The following ATG13 variants were observed in gnomAD, a reference collection of about 807,000 sequenced individuals.
ATG13 encodes the protein autophagy related 13, also known as autophagy-related protein 13.
In ATG13, 23 loss-of-function variants were observed where a neutral mutation model predicts 65.5. That is an observed-to-expected ratio of 0.35 (90% CI 0.25 to 0.50). The LOEUF (loss-of-function observed/expected upper bound fraction) is 0.50. Among genes scored for constraint, ATG13 ranks in the 20% least tolerant of loss-of-function variants. The pLI is 0.98. For synonymous variants in ATG13, 252 were observed against 245.2 expected, an observed-to-expected ratio of 1.03 and a Z score of -0.26; for missense variants, 566 against 677.0, an observed-to-expected ratio of 0.84 and a Z score of 1.82.
intron 2 of ATG13, among the ~76,000 whole-genome samples, chr11:46,638,026 A>G (rs542990382): frequency 6.6e-6 from 1 of 152,340 alleles, no homozygotes; most frequent in African/African-American, 2.4e-5. Flanking sequence ...ATAATTATAC[A>G]TATTTATGGG....
chr11:46,624,932 G>A (rs1364712670), intron 1 of ATG13, among the ~76,000 whole-genome samples: 2 of 151,898 alleles, frequency 1.3e-5, no homozygotes, highest in East Asian at 1.9e-4. Flanking sequence ...GAGGTGGGAG[G>A]ATTGCTTGAG....
intron 1 of ATG13, among the ~76,000 whole-genome samples, chr11:46,624,005 C>A (rs1416788094): frequency 1.3e-5 from 2 of 148,788 alleles, no homozygotes; most frequent in African/African-American, 2.5e-5. Context: ...TTATCAAATT[C>A]AGGAATTTTT....
intron 2 of ATG13, 35 bp from the exon 3 acceptor site, chr11:46,644,244 A>G: frequency 6.8e-7 from 1 of 1,460,016 alleles, no homozygotes; most frequent in Non-Finnish European, 9.4e-7. Context: ...CTTTTTAAAG[A>G]TATTAGTCAT....
chr11:46,656,224 T>A lies in ATG13; in HGVS notation c.459-9T>A. The A allele has an allele frequency of 6.2e-7, 1 of 1,611,572 alleles. No individual in the cohort carries two copies. The highest frequency in any genetic ancestry group is 8.5e-7 in the Non-Finnish European group (1 of 1,177,954). ...TCAGGTAACATTTCTTATTTTTTCT[T>A]CCATACAGGATATATTTTGGAGAAG... On this transcript the variant is annotated splice_polypyrimidine_tract_variant and intron_variant, in intron 7 of 18. Transcript: ENST00000683050.
rs532406241 is a variant in ATG13, at chr11:46,661,979, G to A, written c.790-2018G>A. Reference sequence around the variant, plus strand: ...TGAAAGAGATTCTTGTTCTAAAGTTGCCAGAACAGTTTAGTTTGGGGGTTT... The same window carrying A: ...TGAAAGAGATTCTTGTTCTAAAGTTACCAGAACAGTTTAGTTTGGGGGTTT... On this transcript the variant is annotated intron_variant, in intron 11 of 18. Transcript: ENST00000683050. Among the ~76,000 whole-genome samples, 3 of 152,302 alleles carry A rather than the reference G, an allele frequency of 2.0e-5. No individual in the cohort carries two copies. In the East Asian group the frequency reaches 5.8e-4, roughly 29 times the overall value.
At position 46,668,917 on chromosome 11, in the gene ATG13, C is replaced by T. The variant is rs200106509; in HGVS notation, c.1446+7C>T. The T allele has an allele frequency of 2.5e-6, 4 of 1,601,484 alleles. No homozygotes were observed. The highest frequency in any genetic ancestry group is 3.4e-6 in the Non-Finnish European group (4 of 1,169,682). ...CTTTGTTATGATAGACTTTGTAAGT[C>T]GCCGTCACCTTCCTTGACCTTTGCT... is the stretch of plus-strand genomic sequence containing the variant. On this transcript the variant is annotated splice_region_variant and intron_variant, in intron 17 of 18. Transcript: ENST00000683050.
intron 17 of ATG13, among the ~76,000 whole-genome samples, 179 bp downstream of exon 17, chr11:46,669,089 T>C (rs1307085365): frequency 6.6e-6 from 1 of 152,196 alleles, no homozygotes; most frequent in Non-Finnish European, 1.5e-5. Flanking sequence ...CAACAAGGCA[T>C]TTTTTGTCAT....
chr11:46,671,562 C>T (rs1473466563), intron 18 of ATG13, among the ~76,000 whole-genome samples: 1 of 152,068 alleles, frequency 6.6e-6, no homozygotes, highest in Non-Finnish European at 1.5e-5. Context: ...ATGGTGAAAC[C>T]CTGTCTCTAC....
At chr11:46,637,446 C>G (rs918006005) in intron 2 of ATG13, among the ~76,000 whole-genome samples, 1 of 152,058 alleles carries the variant, frequency 6.6e-6, no homozygotes, top group Non-Finnish European at 1.5e-5. Context: ...TTTTTATGTT[C>G]AAAAAATAAT....
intron 2 of ATG13, among the ~76,000 whole-genome samples, chr11:46,636,125 C>T (rs1053030290): frequency 6.6e-6 from 1 of 151,986 alleles, no homozygotes; most frequent in South Asian, 2.1e-4. Flanking sequence ...TAGTTTGGAT[C>T]GCTTTAGGCC....
chr11:46,668,541 C>T lies in ATG13; in HGVS notation c.1294C>T (p.Pro432Ser). Residue 432 changes from proline (P) to serine (S), a missense_variant, in exon 16 of 19, where the codon CCC becomes TCC. Pro to Ser is a moderately conservative substitution (Grantham distance 74). Coordinates refer to ENST00000683050, the MANE Select transcript of ATG13 (RefSeq NM_001346311.2). ...GGATATACCCTTTGCCATGTTTGCTCCCAAGAATTTGGAGCTGGAGGATAC... is the reference window on the plus strand; with the variant it reads ...GGATATACCCTTTGCCATGTTTGCTTCCAAGAATTTGGAGCTGGAGGATAC... Reference protein sequence around the residue: ...SLDIPFAMFAPKNLELEDTDP... With the variant: ...SLDIPFAMFASKNLELEDTDP... The T allele has an allele frequency of 1.2e-6, 2 of 1,614,188 alleles. No homozygotes were observed. The highest frequency in any genetic ancestry group is 1.1e-5 in the South Asian group (1 of 91,080).
At chr11:46,668,733 T>A (rs1159085566) in intron 16 of ATG13, 61 bp from the exon 17 acceptor site, 29 of 1,519,442 alleles carry the variant, frequency 1.9e-5, no homozygotes, top group Non-Finnish European at 2.6e-5. Context: ...TTTCAGATTG[T>A]TTACAGTAAC....
intron 5 of ATG13, 53 bp downstream of exon 5, chr11:46,646,042 C>T: frequency 6.2e-7 from 1 of 1,606,274 alleles, no homozygotes; most frequent in Non-Finnish European, 8.5e-7. Flanking sequence ...GCTCCTCACA[C>T]TCTGAGTCCA....
chr11:46,666,554 A>G (rs1253724278), intron 14 of ATG13, among the ~76,000 whole-genome samples: 1 of 152,252 alleles, frequency 6.6e-6, no homozygotes, highest in Admixed American at 6.5e-5. Context: ...TTAGATAGGA[A>G]GTGAACGTTC....
chr11:46,627,488 GAGA>G (rs1226149954), intron 1 of ATG13, among the ~76,000 whole-genome samples: 1 of 151,776 alleles, frequency 6.6e-6, no homozygotes, highest in Non-Finnish European at 1.5e-5. Context: ...AGCTTTTTTT[GAGA>G]AGAAGTTTTG....
intron 2 of ATG13, among the ~76,000 whole-genome samples, chr11:46,643,789 C>G (rs2056821207): frequency 6.6e-6 from 1 of 152,102 alleles, no homozygotes; most frequent in South Asian, 2.1e-4. Context: ...TCATGAAATC[C>G]ATGAATCCCC....
intron 7 of ATG13, among the ~76,000 whole-genome samples, chr11:46,652,708 G>A (rs1034122129): frequency 4.6e-5 from 7 of 152,150 alleles, no homozygotes; most frequent in African/African-American, 1.4e-4. Flanking sequence ...GCAAGACTCT[G>A]TCTCAAAAAA....
chr11:46,635,330 G>A (rs1401574417), intron 2 of ATG13, among the ~76,000 whole-genome samples: 1 of 152,008 alleles, frequency 6.6e-6, no homozygotes, highest in Non-Finnish European at 1.5e-5. Context: ...TTTTAATTAA[G>A]ACATAATAAT....
At chr11:46,644,391 T>C in intron 3 of ATG13, 31 bp downstream of exon 3, 2 of 1,545,416 alleles carry the variant, frequency 1.3e-6, no homozygotes, top group East Asian at 2.3e-5. Flanking sequence ...AGCCTAGAAC[T>C]GTTAGAAATA....
Sources: gnomAD v4.1 joint callset for allele counts (sites outside exome capture counted in the v4.1 genomes callset) on GRCh38, gnomAD v4.1.1 for gene constraint, MANE v1.5 for transcripts, NCBI Gene and HGNC (gene_info 2026-07-23, HGNC 2026-07-21) for gene names.